Variants in SPRYD7 observed in about 807,000 individuals in gnomAD.
SPRYD7 encodes the protein SPRY domain containing 7.
Under a neutral mutation model 23.8 loss-of-function variants are expected in SPRYD7, and 14 were observed. The ratio of observed to expected loss-of-function variants is 0.59; its 90% confidence interval spans 0.39 to 0.92. SPRYD7 has a LOEUF of 0.92. Among genes scored for constraint, SPRYD7 ranks in the 40% least tolerant of loss-of-function variants. SPRYD7 has a pLI of 0.00. For synonymous variants in SPRYD7, 75 were observed against 84.9 expected (o/e 0.88, Z 0.64); for missense variants, 194 against 241.7 (o/e 0.80, Z 1.31).
rs1296833958 is a variant in SPRYD7 at position 49,913,601 on chromosome 13, C to G, written c.*1462G>C. On this transcript the variant is annotated 3_prime_UTR_variant, in exon 5 of 5. Transcript: ENST00000361840. ...GCAGTGGGGCAATCTCGGCTCACTG[C>G]AAGCGCCGTCTCCCGGGTTCAAGCC... 2.6e-5 allele frequency: 4 copies of G among 151,988 alleles called. No individual in the cohort carries two copies. Among genetic ancestry groups the G allele is most frequent in the African/African-American group, 9.7e-5 (4 of 41,386 alleles). 9.4% of individuals were successfully genotyped at this position (151,988 alleles called of 1,614,324 possible). A position where few individuals can be genotyped will look rare whatever the true frequency, so the allele number is the denominator to read the frequency against.
At chr13:49,915,201 T>C (rs1955739361) in intron 4 of SPRYD7, 41 bp from the exon 5 acceptor site, 3 of 935,372 alleles carry the variant, frequency 3.2e-6, no homozygotes, top group Non-Finnish European at 4.9e-6. Flanking sequence ...TAGAAGCAAA[T>C]ACTTTAATTT....
At chr13:49,922,962 T>C (rs2138222763) in intron 3 of SPRYD7, among the ~76,000 whole-genome samples, 1 of 152,312 alleles carries the variant, frequency 6.6e-6, no homozygotes, top group Non-Finnish European at 1.5e-5. Flanking sequence ...AAACAATTAT[T>C]AATAATTAAG....
Position 49,914,926 on chromosome 13 carries a change from G to GAATA in SPRYD7, c.*133_*136dup. ...AATCACAACTTCAGGGTGGTATACTGAATACATTGGTTCCTTAGACAGCAT... is the reference window on the plus strand; with the variant it reads ...AATCACAACTTCAGGGTGGTATACTGAATAAATACATTGGTTCCTTAGACAGCAT... On this transcript the variant is annotated 3_prime_UTR_variant, in exon 5 of 5. Transcript: ENST00000361840. The GAATA allele has an allele frequency of 2.2e-6, 1 of 456,356 alleles. No homozygotes were observed. Among genetic ancestry groups the GAATA allele is most frequent in the East Asian group, 3.6e-5 (1 of 27,972 alleles). 28.3% of individuals were successfully genotyped at this position (456,356 alleles called of 1,614,324 possible). A position where few individuals can be genotyped will look rare whatever the true frequency, so the allele number is the denominator to read the frequency against.
At chr13:49,925,077 G>A (rs1214555540) in intron 3 of SPRYD7, among the ~76,000 whole-genome samples, 1 of 151,496 alleles carries the variant, frequency 6.6e-6, no homozygotes, top group African/African-American at 2.4e-5. Context: ...ATCCTTGCCA[G>A]GCACTTAGAG....
intron 2 of SPRYD7, among the ~76,000 whole-genome samples, 177 bp downstream of exon 2, chr13:49,930,841 C>G (rs1255891004): frequency 1.3e-5 from 2 of 152,122 alleles, no homozygotes; most frequent in Non-Finnish European, 2.9e-5. Flanking sequence ...AAAACTGAAC[C>G]TAATTTAACT....
rs370187788 is a variant in SPRYD7, at chr13:49,912,756, T to G, written c.*2307A>C. 2.1e-3 allele frequency: 313 copies of G among 152,290 alleles called. 1 individual carries two copies. Among genetic ancestry groups the G allele is most frequent in the African/African-American group, 7.0e-3 (293 of 41,564 alleles). 9.4% of individuals were successfully genotyped at this position (152,290 alleles called of 1,614,324 possible). A position where few individuals can be genotyped will look rare whatever the true frequency, so the allele number is the denominator to read the frequency against. The stretch of plus-strand genomic sequence containing the variant: ...TTGCTTTCCCAAGTAAGCACATTCT[T>G]TACAAATTAAAATTATGATAGAAAG... On this transcript the variant is annotated 3_prime_UTR_variant, in exon 5 of 5. Transcript: ENST00000361840.
At position 49,936,309 on chromosome 13, in the gene SPRYD7, C is replaced by T. The variant is rs1871632531; in HGVS notation, c.-74G>A. On this transcript the variant is annotated 5_prime_UTR_variant, in exon 1 of 5. Coordinates refer to ENST00000361840, the MANE Select transcript of SPRYD7 (RefSeq NM_020456.4). ...TGCCCCCCGCCGCTCAGCTCCGTCT[C>T]CTGCCCCCGCCCGAGGTCCGGACTT... 5 of 1,099,066 alleles carry T rather than the reference C, an allele frequency of 4.5e-6. No individual in the cohort carries two copies. The East Asian group carries it at 1.4e-4, about 31-fold the overall frequency. 68.1% of individuals were successfully genotyped at this position (1,099,066 alleles called of 1,614,324 possible).
intron 1 of SPRYD7, among the ~76,000 whole-genome samples, chr13:49,934,555 C>CAAAA (rs889803067): frequency 1.1e-4 from 6 of 54,316 alleles, no homozygotes; most frequent in Admixed American, 2.0e-4. Context: ...AACTCCGTCT[C>CAAAA]AAAAAAAAAA....
At position 49,927,930 on chromosome 13, in the gene SPRYD7, C is replaced by G; in HGVS notation, c.379G>C (p.Gly127Arg). 6.2e-7 allele frequency: 1 copy of G among 1,614,194 alleles called. No individual in the cohort carries two copies. Among genetic ancestry groups the G allele is most frequent in the Non-Finnish European group, 8.5e-7 (1 of 1,180,026 alleles). Reference protein sequence around the residue: ...RLPANSLPQEGDVVGITYDHV... With the variant: ...RLPANSLPQERDVVGITYDHV... ...ATGAGGGAACTCACCACCACATCTC[C>G]TTCCTGCGGAAGACTGTTTGCTGGC... The change falls in exon 3 of 5, where the codon GGA becomes CGA. Residue 127 changes from glycine (G) to arginine (R), a missense_variant. Transcript: ENST00000361840.
intron 2 of SPRYD7, among the ~76,000 whole-genome samples, chr13:49,929,377 G>C (rs1001978040): frequency 6.6e-6 from 1 of 152,044 alleles, no homozygotes; most frequent in African/African-American, 2.4e-5. Context: ...ATCATTCAAG[G>C]CTGGCCAAGT....
chr13:49,920,337 A>G (rs545762217), intron 4 of SPRYD7, among the ~76,000 whole-genome samples: 1 of 145,864 alleles, frequency 6.9e-6, no homozygotes, highest in African/African-American at 2.4e-5. Flanking sequence ...TTCCCTCAGA[A>G]GAGCATTAAC....
intron 3 of SPRYD7, among the ~76,000 whole-genome samples, chr13:49,922,372 T>C (rs1955831287): frequency 6.6e-6 from 1 of 151,250 alleles, no homozygotes; most frequent in South Asian, 2.1e-4. Context: ...ACTTAGCCCA[T>C]GTTATAAACC....
chr13:49,925,389 C>T (rs140957033), intron 3 of SPRYD7, among the ~76,000 whole-genome samples: 2 of 152,112 alleles, frequency 1.3e-5, no homozygotes, highest in Non-Finnish European at 1.5e-5. Flanking sequence ...GAGACTCCAT[C>T]TCAATAAATA....
intron 3 of SPRYD7, among the ~76,000 whole-genome samples, chr13:49,924,300 T>G (rs922021405): frequency 3.3e-5 from 5 of 151,728 alleles, no homozygotes; most frequent in African/African-American, 7.2e-5. Context: ...GACAAGGTCT[T>G]GCTCTGTGTG....
chr13:49,915,406 C>G (rs1955741518), intron 4 of SPRYD7, among the ~76,000 whole-genome samples: 1 of 152,072 alleles, frequency 6.6e-6, no homozygotes, highest in African/African-American at 2.4e-5. Flanking sequence ...TAGTAATTCT[C>G]TCAAGAGGAT....
At chr13:49,931,714 C>T (rs28631624) in intron 1 of SPRYD7, among the ~76,000 whole-genome samples, 53 of 152,158 alleles carry the variant, frequency 3.5e-4, no homozygotes, top group African/African-American at 1.2e-3. Flanking sequence ...TTTGGGAGGC[C>T]GAGGTGGGCA....
intron 4 of SPRYD7, among the ~76,000 whole-genome samples, chr13:49,917,667 C>T (rs1345737017): frequency 1.3e-5 from 2 of 152,102 alleles, no homozygotes; most frequent in African/African-American, 4.8e-5. Context: ...ACAAATAATG[C>T]TGAATAAAAG....
At chr13:49,929,609 C>A (rs1955924120) in intron 2 of SPRYD7, among the ~76,000 whole-genome samples, 1 of 152,088 alleles carries the variant, frequency 6.6e-6, no homozygotes, top group Non-Finnish European at 1.5e-5. Context: ...GATTCTCCTG[C>A]CTCAGCCTCC....
intron 4 of SPRYD7, among the ~76,000 whole-genome samples, chr13:49,920,155 G>T (rs759228653): frequency 9.9e-5 from 15 of 152,080 alleles, no homozygotes; most frequent in Non-Finnish European, 1.9e-4. Context: ...GGTGGCTGAG[G>T]TGGGAGGATT....
Sources: allele counts gnomAD v4.1 joint callset (sites outside exome capture counted in the v4.1 genomes callset), GRCh38; gene constraint gnomAD v4.1.1; transcripts MANE v1.5; gene names NCBI Gene and HGNC (gene_info 2026-07-23, HGNC 2026-07-21).